Variants in PARN observed in about 807,000 individuals in gnomAD.
PARN encodes the protein poly(A)-specific ribonuclease PARN.
PARN carries 71 observed loss-of-function variants against 102.8 expected under a neutral mutation model. That is an observed-to-expected ratio of 0.69 (90% CI 0.57 to 0.84). The LOEUF (loss-of-function observed/expected upper bound fraction) is 0.84, where lower values mean the gene tolerates loss of function less well. Ranked by LOEUF, PARN falls within the 40% of genes least tolerant of loss-of-function variation. PARN has a pLI of 0.00. For missense variants in PARN, 782 were observed against 760.9 expected (o/e 1.03, Z -0.33); for synonymous variants, 261 against 252.9 (o/e 1.03, Z -0.30).
intron 23 of PARN, among the ~76,000 whole-genome samples, chr16:14,444,653 T>C (rs1961111427): frequency 6.6e-6 from 1 of 152,152 alleles, no homozygotes; most frequent in Admixed American, 6.5e-5. Flanking sequence ...GGAATACAAG[T>C]GGGGAAACCC....
At chr16:14,493,357 A>C (rs2151613947) in intron 21 of PARN, among the ~76,000 whole-genome samples, 1 of 152,288 alleles carries the variant, frequency 6.6e-6, no homozygotes, top group East Asian at 1.9e-4. Flanking sequence ...CTGGGACTAC[A>C]GGTGCATGCT....
chr16:14,590,243 A>G (rs1392696800), intron 13 of PARN, among the ~76,000 whole-genome samples: 1 of 148,454 alleles, frequency 6.7e-6, no homozygotes, highest in Non-Finnish European at 1.5e-5. Context: ...TCAAAAAAAA[A>G]AAAAAAAAAA....
chr16:14,618,923 C>T (rs1972106585), intron 5 of PARN, among the ~76,000 whole-genome samples: 2 of 152,038 alleles, frequency 1.3e-5, no homozygotes, highest in South Asian at 4.1e-4. Flanking sequence ...AAACCAGGCA[C>T]GGTGGCTCGC....
intron 16 of PARN, among the ~76,000 whole-genome samples, chr16:14,583,640 C>G (rs1969661697): frequency 6.6e-6 from 1 of 152,220 alleles, no homozygotes. Context: ...TAACTGTAAT[C>G]TTGGCTGCTT....
chr16:14,514,000 A>C (rs1965332153), intron 21 of PARN, among the ~76,000 whole-genome samples: 1 of 152,186 alleles, frequency 6.6e-6, no homozygotes, highest in Non-Finnish European at 1.5e-5. Context: ...ACATTTGAGC[A>C]CTAGTGCACA....
intron 21 of PARN, among the ~76,000 whole-genome samples, chr16:14,545,388 G>A (rs1029630654): frequency 2.0e-5 from 3 of 152,050 alleles, no homozygotes; most frequent in East Asian, 1.9e-4. Context: ...GAAATCTAAC[G>A]AAATCCTAAG....
intron 23 of PARN, among the ~76,000 whole-genome samples, chr16:14,446,504 G>T (rs998774931): frequency 6.6e-6 from 1 of 152,142 alleles, no homozygotes; most frequent in African/African-American, 2.4e-5. Flanking sequence ...TTGCCTGGGG[G>T]TTTTGCTGGA....
At chr16:14,623,234 A>C (rs1972431005) in intron 5 of PARN, among the ~76,000 whole-genome samples, 1 of 152,096 alleles carries the variant, frequency 6.6e-6, no homozygotes, top group African/African-American at 2.4e-5. Context: ...AGGGAAACAC[A>C]GCCAGGCACC....
intron 21 of PARN, among the ~76,000 whole-genome samples, chr16:14,513,687 C>T (rs138696623): frequency 1.1e-3 from 173 of 152,290 alleles, no homozygotes; most frequent in African/African-American, 3.8e-3. Flanking sequence ...CCTGTTGTGG[C>T]TGAGCCTTTA....
chr16:14,598,841 A>G (rs1970692416), intron 12 of PARN, among the ~76,000 whole-genome samples: 1 of 152,068 alleles, frequency 6.6e-6, no homozygotes, highest in Non-Finnish European at 1.5e-5. Flanking sequence ...GAGGGTTTCT[A>G]TGGCCTTAAA....
rs535145663 is a variant in PARN, at chr16:14,436,276, C to A, written c.*441G>T. On this transcript the variant is annotated 3_prime_UTR_variant, in exon 24 of 24. Transcript: ENST00000437198. Reference sequence around the variant, plus strand: ...CCACTGGGAGACTAACCGAGGGCTGCAACTGCCTCAAAATCTCAGTGCGAG... The same window carrying A: ...CCACTGGGAGACTAACCGAGGGCTGAAACTGCCTCAAAATCTCAGTGCGAG... 1.3e-5 allele frequency: 2 copies of A among 158,450 alleles called. No homozygotes were observed. Among genetic ancestry groups the A allele is most frequent in the Admixed American group, 6.3e-5 (1 of 15,832 alleles). The allele number at this position is 158,450 out of a possible 1,614,324, so 9.8% of individuals were successfully genotyped here.
At chr16:14,483,070 T>C (rs188318056) in intron 21 of PARN, among the ~76,000 whole-genome samples, 4 of 152,370 alleles carry the variant, frequency 2.6e-5, no homozygotes, top group Admixed American at 6.5e-5. Context: ...GTGAAAGTAC[T>C]TTGTAAACTG....
intron 21 of PARN, among the ~76,000 whole-genome samples, chr16:14,489,437 CAAAAAAAAAAAA>C (rs770783306): frequency 1.7e-5 from 1 of 59,472 alleles, no homozygotes; most frequent in East Asian, 6.3e-4. Context: ...GAGAGAGACT[CAAAAAAAAAAAA>C]AAAAAAAAAA....
intron 22 of PARN, among the ~76,000 whole-genome samples, chr16:14,469,893 A>G (rs961618277): frequency 2.6e-5 from 4 of 152,238 alleles, no homozygotes; most frequent in Admixed American, 6.5e-5. Context: ...TAGGTAACAG[A>G]CATGGAAAAA....
chr16:14,613,100 G>A (rs1438201617), intron 6 of PARN, among the ~76,000 whole-genome samples: 2 of 150,970 alleles, frequency 1.3e-5, no homozygotes, highest in Non-Finnish European at 3.0e-5. Flanking sequence ...ACCTGAGGTC[G>A]TGAGTTCAAG....
chr16:14,533,357 T>A (rs1333430329), intron 21 of PARN, among the ~76,000 whole-genome samples: 1 of 150,564 alleles, frequency 6.6e-6, no homozygotes, highest in Non-Finnish European at 1.5e-5. Flanking sequence ...ATGGCAGCAG[T>A]ACAGTCCAGC....
intron 21 of PARN, among the ~76,000 whole-genome samples, chr16:14,493,660 A>G (rs1319282281): frequency 6.6e-6 from 1 of 152,206 alleles, no homozygotes; most frequent in Non-Finnish European, 1.5e-5. Context: ...GCAGGTATCT[A>G]GGTGGGAAAT....
chr16:14,453,864 T>C (rs1450161860), intron 22 of PARN, among the ~76,000 whole-genome samples: 1 of 152,210 alleles, frequency 6.6e-6, no homozygotes, highest in Non-Finnish European at 1.5e-5. Context: ...CAAATAATGC[T>C]GGTATAAACA....
chr16:14,487,885 T>C (rs1963807683), intron 21 of PARN, among the ~76,000 whole-genome samples: 1 of 152,196 alleles, frequency 6.6e-6, no homozygotes, highest in African/African-American at 2.4e-5. Context: ...CACTTTATTA[T>C]ACATCAATTA....
Sources: allele counts gnomAD v4.1 joint callset (sites outside exome capture counted in the v4.1 genomes callset), GRCh38; gene constraint gnomAD v4.1.1; transcripts MANE v1.5; gene names NCBI Gene and HGNC (gene_info 2026-07-23, HGNC 2026-07-21).